Variants in ACTR3C observed in about 807,000 individuals in gnomAD.
ACTR3C encodes the protein actin related protein 3C.
ACTR3C carries 18 observed loss-of-function variants against 26.3 expected under a neutral mutation model. The observed-to-expected ratio is 0.68, with a 90% CI of 0.47 to 1.01. The LOEUF (loss-of-function observed/expected upper bound fraction) is 1.01. ACTR3C is among the 50% of genes least tolerant of loss of function. The pLI is 0.00. For synonymous variants in ACTR3C, 55 were observed against 94.5 expected (o/e 0.58, Z 2.42); for missense variants, 184 against 250.7 (o/e 0.73, Z 1.80).
At chr7:150,190,704 A>G in the ACTR3C span, among the ~76,000 whole-genome samples, 1 of 152,300 alleles carries the variant, frequency 6.6e-6, no homozygotes, top group African/African-American at 2.4e-5. Context: ...TGAACTGTAT[A>G]TCTATCTGTA....
the ACTR3C span, among the ~76,000 whole-genome samples, chr7:149,928,299 C>T: frequency 4.7e-5 from 7 of 149,988 alleles, no homozygotes; most frequent in Admixed American, 6.6e-5. Context: ...CTGGTTCAAG[C>T]GATCCTCCTG....
the ACTR3C span, chr7:149,892,447 T>C: frequency 3.3e-6 from 5 of 1,522,206 alleles, no homozygotes; most frequent in African/African-American, 7.0e-5. Context: ...TCCATATCTA[T>C]TTAAATGATC....
the ACTR3C span, among the ~76,000 whole-genome samples, chr7:149,967,848 T>C: frequency 6.6e-6 from 1 of 151,910 alleles, no homozygotes; most frequent in East Asian, 1.9e-4. Context: ...AGATGGCATG[T>C]GCGTAGAAAG....
the ACTR3C span, among the ~76,000 whole-genome samples, chr7:150,039,828 CG>C: frequency 1.1e-4 from 14 of 130,688 alleles, no homozygotes; most frequent in Admixed American, 3.6e-4. Flanking sequence ...GGGGTGCCTC[CG>C]CCCCCAGCGA....
chr7:149,923,492 T>C, the ACTR3C span, among the ~76,000 whole-genome samples: 143,081 of 152,214 alleles, frequency 0.94, 67,782 homozygotes, highest in East Asian at 1. Flanking sequence ...AAGTAGAACT[T>C]GGCTGAGAAA....
At chr7:150,069,471 G>A in the ACTR3C span, among the ~76,000 whole-genome samples, 2 of 152,170 alleles carry the variant, frequency 1.3e-5, no homozygotes, top group African/African-American at 2.4e-5. Flanking sequence ...AAACTTCAGC[G>A]GGTGAAACTC....
chr7:150,275,932 G>A (rs535631639), intron 6 of ACTR3C, among the ~76,000 whole-genome samples: 2 of 152,162 alleles, frequency 1.3e-5, no homozygotes, highest in African/African-American at 4.8e-5. Flanking sequence ...CCCGGGGTCA[G>A]CCACCGTCTA....
the ACTR3C span, among the ~76,000 whole-genome samples, chr7:150,207,759 G>A: frequency 6.6e-6 from 1 of 152,148 alleles, no homozygotes; most frequent in African/African-American, 2.4e-5. Flanking sequence ...ATTTCATAGT[G>A]TCTTCCAGTC....
chr7:150,271,670 G>C (rs1304072346), intron 6 of ACTR3C, among the ~76,000 whole-genome samples: 1 of 144,580 alleles, frequency 6.9e-6, no homozygotes, highest in East Asian at 2.0e-4. Context: ...CTTTATAGCA[G>C]AATGATTTAT....
chr7:149,940,215 G>T, the ACTR3C span, among the ~76,000 whole-genome samples: 1 of 152,132 alleles, frequency 6.6e-6, no homozygotes, highest in South Asian at 2.1e-4. Context: ...TACCTGGTTT[G>T]GTCAACTTGT....
chr7:150,198,984 G>A, the ACTR3C span, among the ~76,000 whole-genome samples: 15 of 133,134 alleles, frequency 1.1e-4, no homozygotes, highest in East Asian at 3.1e-3. Flanking sequence ...GGAGGTGGGG[G>A]GGGTCAGCCC....
At chr7:150,307,684 T>C (rs1795906003) in intron 1 of ACTR3C, among the ~76,000 whole-genome samples, 1 of 152,172 alleles carries the variant, frequency 6.6e-6, no homozygotes, top group South Asian at 2.1e-4. Context: ...GGTGGTCTCT[T>C]CACACAGAGG....
chr7:150,311,632 T>C (rs1049063834), intron 1 of ACTR3C, among the ~76,000 whole-genome samples: 1 of 152,196 alleles, frequency 6.6e-6, no homozygotes, highest in Non-Finnish European at 1.5e-5. Flanking sequence ...ATCTCCCTAA[T>C]ACACATAGCA....
At chr7:149,995,736 G>A in the ACTR3C span, among the ~76,000 whole-genome samples, 8 of 152,324 alleles carry the variant, frequency 5.3e-5, no homozygotes, top group African/African-American at 1.4e-4. Flanking sequence ...GACAAGAGGC[G>A]GACCTCTGGA....
the ACTR3C span, among the ~76,000 whole-genome samples, chr7:150,095,589 T>C: frequency 1.5e-4 from 22 of 150,180 alleles, no homozygotes; most frequent in Admixed American, 2.6e-4. Context: ...TTGCTTACCA[T>C]TACTTTTCGT....
chr7:150,011,826 C>G, the ACTR3C span, among the ~76,000 whole-genome samples: 1 of 152,134 alleles, frequency 6.6e-6, no homozygotes, highest in South Asian at 2.1e-4. Flanking sequence ...TAAAAACTTA[C>G]TTATTAGGTA....
the ACTR3C span, among the ~76,000 whole-genome samples, chr7:150,113,944 T>C: frequency 1.3e-5 from 2 of 152,184 alleles, no homozygotes; most frequent in East Asian, 3.8e-4. Flanking sequence ...TCTGGGGCCA[T>C]CTCGGTGCAA....
At chr7:150,032,288 G>A in the ACTR3C span, among the ~76,000 whole-genome samples, 1 of 152,330 alleles carries the variant, frequency 6.6e-6, no homozygotes, top group South Asian at 2.1e-4. Flanking sequence ...CCTGAAAGGA[G>A]GGGTGCATTT....
the ACTR3C span, among the ~76,000 whole-genome samples, chr7:149,928,470 C>T: frequency 2.7e-5 from 4 of 149,830 alleles, no homozygotes; most frequent in Non-Finnish European, 5.9e-5. Context: ...TCCACCTCCT[C>T]GGCCTCCCAA....
Sources: allele counts gnomAD v4.1 joint callset (sites outside exome capture counted in the v4.1 genomes callset), GRCh38; gene constraint gnomAD v4.1.1; transcripts MANE v1.5; gene names NCBI Gene and HGNC (gene_info 2026-07-23, HGNC 2026-07-21).